Variants in LMNTD1 observed in about 807,000 individuals in gnomAD.
LMNTD1 encodes the protein lamin tail domain-containing protein 1.
A neutral mutation model predicts 50.9 loss-of-function variants in LMNTD1; 35 were observed. The observed-to-expected ratio is 0.69, with a 90% CI of 0.53 to 0.91. The LOEUF is 0.91. Ranked by LOEUF, LMNTD1 falls within the 40% of genes least tolerant of loss-of-function variation. The probability of loss-of-function intolerance (pLI) is 0.00; values close to 1 mark genes in which losing one functional copy is unlikely to be tolerated. For synonymous variants in LMNTD1, 153 were observed against 161.9 expected (o/e 0.94, Z 0.42); for missense variants, 470 against 475.5 (o/e 0.99, Z 0.11).
chr12:25,636,777 A>G (rs920686523), intron 1 of LMNTD1, among the ~76,000 whole-genome samples: 3 of 152,214 alleles, frequency 2.0e-5, no homozygotes, highest in Non-Finnish European at 4.4e-5. Context: ...TGTGGTATAT[A>G]TATATATGAT....
At chr12:25,625,818 A>G (rs1946577063) in intron 1 of LMNTD1, among the ~76,000 whole-genome samples, 2 of 152,006 alleles carry the variant, frequency 1.3e-5, no homozygotes, top group African/African-American at 4.8e-5. Context: ...AGACAACCCC[A>G]GAGCCTGGGA....
intron 1 of LMNTD1, among the ~76,000 whole-genome samples, chr12:25,611,304 A>T (rs1946238204): frequency 1.3e-5 from 2 of 152,246 alleles, no homozygotes; most frequent in African/African-American, 2.4e-5. Context: ...AATAATTTTT[A>T]AAAACATTAC....
chr12:25,571,048 GC>G, intron 1 of LMNTD1, among the ~76,000 whole-genome samples: 1 of 152,286 alleles, frequency 6.6e-6, no homozygotes, highest in Non-Finnish European at 1.5e-5. Context: ...GCTCAGCAGA[GC>G]CCCATGCTTG....
intron 1 of LMNTD1, among the ~76,000 whole-genome samples, chr12:25,598,231 T>G (rs1945883037): frequency 6.6e-6 from 1 of 151,962 alleles, no homozygotes; most frequent in Non-Finnish European, 1.5e-5. Flanking sequence ...ATACAACATA[T>G]AAATTAAACA....
chr12:25,526,264 A>G (rs1941701751), intron 5 of LMNTD1, 46 bp from the exon 6 acceptor site: 1 of 1,583,462 alleles, frequency 6.3e-7, no homozygotes. Flanking sequence ...GTTGAACACA[A>G]TTTTGTAAAT....
At chr12:25,617,663 A>G (rs895241137) in intron 1 of LMNTD1, among the ~76,000 whole-genome samples, 6 of 152,254 alleles carry the variant, frequency 3.9e-5, no homozygotes, top group Non-Finnish European at 8.8e-5. Flanking sequence ...CCTTAACATA[A>G]TAAAATGATC....
intron 1 of LMNTD1, among the ~76,000 whole-genome samples, chr12:25,580,722 C>G (rs543207212): frequency 6.6e-6 from 1 of 152,268 alleles, no homozygotes; most frequent in Non-Finnish European, 1.5e-5. Context: ...GTTCAGAGGT[C>G]AGATATAGTA....
chr12:25,622,115 A>T (rs140783843), intron 1 of LMNTD1, among the ~76,000 whole-genome samples: 4 of 152,248 alleles, frequency 2.6e-5, no homozygotes, highest in Non-Finnish European at 4.4e-5. Context: ...AACAGCCCCA[A>T]TGTTTTGGGC....
At chr12:25,527,681 T>TATACACACACACAC (rs1463259109) in intron 4 of LMNTD1, among the ~76,000 whole-genome samples, 3 of 32,348 alleles carry the variant, frequency 9.3e-5, no homozygotes, top group African/African-American at 2.3e-4. Context: ...TATATATATA[T>TATACACACACACAC]ACACACACAC....
chr12:25,621,716 C>T (rs1946476907), intron 1 of LMNTD1, among the ~76,000 whole-genome samples: 1 of 152,138 alleles, frequency 6.6e-6, no homozygotes, highest in African/African-American at 2.4e-5. Flanking sequence ...TGGCCTTATT[C>T]TACACACTTG....
At position 25,550,843 on chromosome 12, in the gene LMNTD1, A is replaced by C. The variant is rs565173665; in HGVS notation, c.90-1297T>G. ...CTTTAATGTGCCTCTCAGCAGACAC[A>C]GACATCTCAGGCAAATTTTTAAAAT... is the stretch of plus-strand genomic sequence containing the variant. On this transcript the variant is annotated intron_variant, in intron 2 of 9. Transcript: ENST00000458174. 9.2e-5 allele frequency among the ~76,000 whole-genome samples: 14 copies of C among 152,368 alleles called. No homozygotes were observed. The South Asian group carries it at 2.9e-3, about 32-fold the overall frequency.
chr12:25,549,237 C>T, intron 3 of LMNTD1, 89 bp downstream of exon 3: 1 of 676,290 alleles, frequency 1.5e-6, no homozygotes, highest in Non-Finnish European at 2.4e-6. Flanking sequence ...AATAATAAAA[C>T]ATCATTCTGA....
At chr12:25,527,661 TATATATATATATATATATATAC>T (rs1410719267) in intron 4 of LMNTD1, among the ~76,000 whole-genome samples, 87 of 24,900 alleles carry the variant, frequency 3.5e-3, no homozygotes, top group Non-Finnish European at 6.6e-3. Flanking sequence ...TATATATATA[TATATATATATATATATATATAC>T]ACACACACAC....
intron 9 of LMNTD1, 63 bp downstream of exon 9, chr12:25,503,675 G>T (rs1306346008): frequency 4.8e-6 from 4 of 827,254 alleles, no homozygotes; most frequent in Admixed American, 4.2e-5. Context: ...AGACATTTCT[G>T]CCCATTACTT....
At chr12:25,608,307 T>C (rs570390770) in intron 1 of LMNTD1, among the ~76,000 whole-genome samples, 1 of 152,360 alleles carries the variant, frequency 6.6e-6, no homozygotes, top group South Asian at 2.1e-4. Flanking sequence ...CTGTGTCTTT[T>C]AATTGGGGCA....
chr12:25,603,531 C>T (rs776440803), intron 1 of LMNTD1, among the ~76,000 whole-genome samples: 2 of 151,964 alleles, frequency 1.3e-5, no homozygotes, highest in South Asian at 4.2e-4. Flanking sequence ...CAGATTAATA[C>T]ACCTTTTTTA....
At chr12:25,569,393 T>C (rs1202561394) in intron 1 of LMNTD1, among the ~76,000 whole-genome samples, 2 of 152,344 alleles carry the variant, frequency 1.3e-5, no homozygotes, top group Admixed American at 6.5e-5. Context: ...TAACTTGTTT[T>C]GATTTTGTAG....
chr12:25,503,197 A>G (rs1939484798), intron 9 of LMNTD1, among the ~76,000 whole-genome samples: 1 of 151,462 alleles, frequency 6.6e-6, no homozygotes. Context: ...TTTAAACTCA[A>G]CCACTTAAAA....
chr12:25,530,622 G>T (rs1942156117), intron 4 of LMNTD1, among the ~76,000 whole-genome samples: 1 of 152,160 alleles, frequency 6.6e-6, no homozygotes, highest in Non-Finnish European at 1.5e-5. Context: ...CATCCTGTGT[G>T]TATGCCAAAT....
Sources: gnomAD v4.1 joint callset for allele counts (sites outside exome capture counted in the v4.1 genomes callset) on GRCh38, gnomAD v4.1.1 for gene constraint, MANE v1.5 for transcripts, NCBI Gene and HGNC (gene_info 2026-07-23, HGNC 2026-07-21) for gene names.